The following ZFPM2 variants were observed in gnomAD, a reference collection of about 807,000 sequenced individuals.
ZFPM2 encodes zinc finger protein, FOG family member 2.
Under a neutral mutation model 98.6 loss-of-function variants are expected in ZFPM2, and 20 were observed. That is an observed-to-expected ratio of 0.20 (90% CI 0.14 to 0.29). The LOEUF is 0.29. Ranked by LOEUF, ZFPM2 falls within the 10% of genes least tolerant of loss-of-function variation. The pLI is 1.00. For synonymous variants in ZFPM2, 518 were observed against 502.7 expected (o/e 1.03, Z -0.41); for missense variants, 1,310 against 1,388.6 (o/e 0.94, Z 0.90).
chr8:105,702,089 C>G (rs1179584180), intron 5 of ZFPM2, among the ~76,000 whole-genome samples: 1 of 152,196 alleles, frequency 6.6e-6, no homozygotes, highest in Non-Finnish European at 1.5e-5. Context: ...ATCCATCTTA[C>G]AATGTGGTTC....
chr8:105,420,369 C>T (rs753073013), intron 2 of ZFPM2, among the ~76,000 whole-genome samples: 1 of 152,022 alleles, frequency 6.6e-6, no homozygotes, highest in Non-Finnish European at 1.5e-5. Context: ...ATCATTTTCT[C>T]TTGTTGATGG....
At chr8:105,668,953 A>G (rs1817536353) in intron 5 of ZFPM2, among the ~76,000 whole-genome samples, 1 of 152,182 alleles carries the variant, frequency 6.6e-6, no homozygotes, top group Admixed American at 6.5e-5. Flanking sequence ...AGTTGATGGA[A>G]ACATAACTGA....
chr8:105,730,785 T>C lies in ZFPM2; in HGVS notation c.533-57933T>C, dbSNP rs531425004. 1.5e-3 allele frequency among the ~76,000 whole-genome samples: 229 copies of C among 148,222 alleles called. 3 individuals carry two copies. Among genetic ancestry groups the C allele is most frequent in the Admixed American group, 0.014 (203 of 14,806 alleles). On this transcript the variant is annotated intron_variant, in intron 5 of 7. Coordinates refer to ENST00000407775, the MANE Select transcript of ZFPM2 (RefSeq NM_012082.4). ...GAACTTTTTCTTTTTTCTTTTTTTTTTTTTTTTTTTTTACTGGCTACAGAA... is the reference window on the plus strand; with the variant it reads ...GAACTTTTTCTTTTTTCTTTTTTTTCTTTTTTTTTTTTACTGGCTACAGAA...
chr8:105,440,446 G>T (rs1401198745), intron 2 of ZFPM2, among the ~76,000 whole-genome samples: 1 of 152,044 alleles, frequency 6.6e-6, no homozygotes, highest in Non-Finnish European at 1.5e-5. Flanking sequence ...CATACATGGT[G>T]ACTGGCCCCA....
chr8:105,489,461 TA>T (rs1173548910), intron 3 of ZFPM2, among the ~76,000 whole-genome samples: 68 of 69,824 alleles, frequency 9.7e-4, no homozygotes, highest in African/African-American at 4.3e-3. Flanking sequence ...TATATATATA[TA>T]TATATTTTTT....
intron 2 of ZFPM2, among the ~76,000 whole-genome samples, chr8:105,443,012 A>C (rs1812285178): frequency 6.6e-6 from 1 of 152,046 alleles, no homozygotes; most frequent in Non-Finnish European, 1.5e-5. Context: ...ATTTAATTTA[A>C]AAATCTTGGC....
At chr8:105,377,253 A>G (rs1233658374) in intron 1 of ZFPM2, among the ~76,000 whole-genome samples, 1 of 152,168 alleles carries the variant, frequency 6.6e-6, no homozygotes, top group South Asian at 2.1e-4. Flanking sequence ...GGTAATCTTC[A>G]TAGTGCTTAC....
rs1424770795 is a variant in ZFPM2, at chr8:105,786,832, C to T, written c.533-1886C>T. Reference sequence around the variant, plus strand: ...TTTTGGCTGGGCATCTTCTCTAAAACCTCAATTTCTCTTGGGCACCTGAGT... The same window carrying T: ...TTTTGGCTGGGCATCTTCTCTAAAATCTCAATTTCTCTTGGGCACCTGAGT... On this transcript the variant is annotated intron_variant, in intron 5 of 7. Coordinates refer to ENST00000407775, the MANE Select transcript of ZFPM2 (RefSeq NM_012082.4). Among the ~76,000 whole-genome samples, 3 of 152,184 alleles carry T rather than the reference C, an allele frequency of 2.0e-5. No homozygotes were observed. In the East Asian group the frequency reaches 5.8e-4, roughly 29 times the overall value.
At chr8:105,353,493 A>G (rs1321727586) in intron 1 of ZFPM2, among the ~76,000 whole-genome samples, 1 of 152,206 alleles carries the variant, frequency 6.6e-6, no homozygotes, top group Non-Finnish European at 1.5e-5. Context: ...GAATCCAGGT[A>G]GTCCCTGACA....
intron 5 of ZFPM2, among the ~76,000 whole-genome samples, chr8:105,734,516 G>A (rs541786714): frequency 1.3e-5 from 2 of 152,008 alleles, no homozygotes; most frequent in African/African-American, 4.8e-5. Flanking sequence ...CCACGAGATG[G>A]TTAATTCCTC....
At chr8:105,331,104 G>T (rs867333254) in intron 1 of ZFPM2, among the ~76,000 whole-genome samples, 17 of 143,880 alleles carry the variant, frequency 1.2e-4, no homozygotes, top group Middle Eastern at 7.4e-3. Context: ...TTTGTTTGTT[G>T]TTTCTTTTGT....
intron 1 of ZFPM2, among the ~76,000 whole-genome samples, chr8:105,326,899 A>G (rs1260440490): frequency 2.0e-5 from 3 of 151,056 alleles, no homozygotes; most frequent in Middle Eastern, 6.8e-3. Context: ...AAATATATAA[A>G]TTTAATATCC....
chr8:105,522,540 G>A (rs1414430467), intron 3 of ZFPM2, among the ~76,000 whole-genome samples: 2 of 152,124 alleles, frequency 1.3e-5, no homozygotes, highest in African/African-American at 2.4e-5. Flanking sequence ...GGGAGGACGA[G>A]GTGGGCAGAT....
intron 3 of ZFPM2, among the ~76,000 whole-genome samples, chr8:105,483,887 C>T (rs1813174826): frequency 6.6e-6 from 1 of 151,536 alleles, no homozygotes; most frequent in Non-Finnish European, 1.5e-5. Context: ...GTGCCTGCCA[C>T]CACGCCCGGC....
intron 4 of ZFPM2, among the ~76,000 whole-genome samples, chr8:105,617,358 G>T (rs2130809766): frequency 6.6e-6 from 1 of 152,224 alleles, no homozygotes. Context: ...AGGTGAAACT[G>T]CTCTGTCAGA....
intron 4 of ZFPM2, among the ~76,000 whole-genome samples, chr8:105,596,371 A>G (rs1815970009): frequency 6.6e-6 from 1 of 152,066 alleles, no homozygotes; most frequent in Non-Finnish European, 1.5e-5. Flanking sequence ...AAAAAGAAGG[A>G]AACAAAGAAA....
intron 4 of ZFPM2, among the ~76,000 whole-genome samples, chr8:105,631,482 T>G (rs796181972): frequency 5.9e-5 from 9 of 152,276 alleles, no homozygotes; most frequent in African/African-American, 1.9e-4. Context: ...GTTCAGCCTT[T>G]GCCCACACTG....
chr8:105,409,548 T>A (rs1477036995), intron 1 of ZFPM2, among the ~76,000 whole-genome samples: 1 of 151,958 alleles, frequency 6.6e-6, no homozygotes, highest in Non-Finnish European at 1.5e-5. Context: ...GCAGGTTGAT[T>A]ACAGATCATC....
At position 105,761,612 on chromosome 8, in the gene ZFPM2, G is replaced by A. The variant is rs1184859288; in HGVS notation, c.533-27106G>A. Among the ~76,000 whole-genome samples, 3 of 151,668 alleles carry A rather than the reference G, an allele frequency of 2.0e-5. No individual in the cohort carries two copies. The Admixed American group carries it at 2.0e-4, about 10-fold the overall frequency. ...TATCAGGATGGGTATTTCTACTTTTGTCCTTCTAACGTCTCTTTAGACACA... is the reference window on the plus strand; with the variant it reads ...TATCAGGATGGGTATTTCTACTTTTATCCTTCTAACGTCTCTTTAGACACA... On this transcript the variant is annotated intron_variant, in intron 5 of 7. Transcript: ENST00000407775.
Sources: allele counts gnomAD v4.1 joint callset (sites outside exome capture counted in the v4.1 genomes callset), GRCh38; gene constraint gnomAD v4.1.1; transcripts MANE v1.5; gene names NCBI Gene and HGNC (gene_info 2026-07-23, HGNC 2026-07-21).